The following FRMD4A variants were observed in gnomAD, a reference collection of about 807,000 sequenced individuals.
The protein encoded by FRMD4A is FERM domain-containing protein 4A.
Under a neutral mutation model 129.1 loss-of-function variants are expected in FRMD4A, and 29 were observed. The ratio of observed to expected loss-of-function variants is 0.22; its 90% confidence interval spans 0.17 to 0.31. The LOEUF is 0.31. FRMD4A is among the 10% of genes least tolerant of loss of function. The pLI, the probability that FRMD4A is intolerant of heterozygous loss-of-function variation, is 1.00. For synonymous variants in FRMD4A, 634 were observed against 571.6 expected (o/e 1.11, Z -1.56); for missense variants, 1,272 against 1,375.8 (o/e 0.92, Z 1.19).
chr10:14,129,226 C>T (rs912672310), intron 2 of FRMD4A, among the ~76,000 whole-genome samples: 9 of 151,340 alleles, frequency 5.9e-5, no homozygotes, highest in African/African-American at 4.9e-5. Flanking sequence ...ACCTTATTAC[C>T]GTATATCTAG....
intron 2 of FRMD4A, among the ~76,000 whole-genome samples, chr10:13,889,161 C>T (rs567021526): frequency 6.6e-6 from 1 of 152,350 alleles, no homozygotes; most frequent in South Asian, 2.1e-4. Context: ...TCACCCAACA[C>T]TTACTTAAAG....
chr10:14,312,844 C>A (rs958213452), intron 2 of FRMD4A, among the ~76,000 whole-genome samples: 1 of 151,480 alleles, frequency 6.6e-6, no homozygotes, highest in African/African-American at 2.4e-5. Context: ...CTAGCTTGGG[C>A]AACAGAGTGA....
intron 3 of FRMD4A, among the ~76,000 whole-genome samples, chr10:13,849,898 A>C (rs2094117327): frequency 6.6e-6 from 1 of 151,490 alleles, no homozygotes; most frequent in African/African-American, 2.4e-5. Flanking sequence ...GGCCGGGCGC[A>C]GTGGCTCATA....
intron 2 of FRMD4A, among the ~76,000 whole-genome samples, chr10:14,164,216 T>C (rs766552500): frequency 1.3e-5 from 2 of 152,368 alleles, no homozygotes; most frequent in East Asian, 1.9e-4. Context: ...GTTTTCATCC[T>C]GTATTTGCCC....
chr10:14,141,279 C>G (rs1254263124), intron 2 of FRMD4A, among the ~76,000 whole-genome samples: 2 of 152,120 alleles, frequency 1.3e-5, no homozygotes, highest in Admixed American at 6.5e-5. Context: ...GGATCCAAGT[C>G]GCTGAGGTAT....
intron 2 of FRMD4A, among the ~76,000 whole-genome samples, chr10:14,315,986 G>A (rs969517992): frequency 1.7e-4 from 26 of 152,228 alleles, no homozygotes; most frequent in African/African-American, 6.3e-4. Flanking sequence ...TACCAGGTGG[G>A]TTGGGTGCCC....
intron 2 of FRMD4A, among the ~76,000 whole-genome samples, chr10:14,321,193 A>G (rs1843033175): frequency 6.6e-6 from 1 of 152,124 alleles, no homozygotes. Flanking sequence ...GGTTAAATGA[A>G]TGGATGAATG....
At chr10:14,174,877 GTC>G (rs145835197) in intron 2 of FRMD4A, among the ~76,000 whole-genome samples, 130 of 33,410 alleles carry the variant, frequency 3.9e-3, no homozygotes, top group South Asian at 0.023. Flanking sequence ...GTGTGTGTGT[GTC>G]TGTGTGTGTG....
chr10:14,220,694 T>C lies in FRMD4A; in HGVS notation c.45+109364A>G, dbSNP rs563788164. Among the ~76,000 whole-genome samples the C allele has an allele frequency of 2.0e-5, 3 of 152,148 alleles. No homozygotes were observed. In the East Asian group the frequency reaches 5.8e-4, roughly 29 times the overall value. ...TGGGAGTGTCAGAGACCAGAGTCAT[T>C]CAATAGAGGACCAGCAGAGGAGGGG... On this transcript the variant is annotated intron_variant, in intron 2 of 24. Transcript: ENST00000357447.
At chr10:14,022,232 C>T (rs1832792612) in intron 2 of FRMD4A, among the ~76,000 whole-genome samples, 1 of 152,136 alleles carries the variant, frequency 6.6e-6, no homozygotes. Context: ...CGTGTCTAAG[C>T]TTCGCAGAGG....
intron 2 of FRMD4A, among the ~76,000 whole-genome samples, chr10:14,131,670 A>G (rs913033705): frequency 2.6e-5 from 4 of 152,182 alleles, no homozygotes; most frequent in South Asian, 2.1e-4. Flanking sequence ...AGACAAAAAC[A>G]TATTTTAAAA....
chr10:14,200,312 G>C (rs1033830161), intron 2 of FRMD4A, among the ~76,000 whole-genome samples: 1 of 147,448 alleles, frequency 6.8e-6, no homozygotes, highest in Non-Finnish European at 1.5e-5. Flanking sequence ...ATTTTTTTGA[G>C]ACAGACTCTC....
intron 2 of FRMD4A, among the ~76,000 whole-genome samples, chr10:13,958,083 C>T (rs1393116970): frequency 6.6e-6 from 1 of 152,106 alleles, no homozygotes; most frequent in Non-Finnish European, 1.5e-5. Flanking sequence ...GCCCCATACG[C>T]TACTGCAGTA....
chr10:14,186,584 A>G (rs1386555199), intron 2 of FRMD4A, among the ~76,000 whole-genome samples: 1 of 152,222 alleles, frequency 6.6e-6, no homozygotes, highest in Non-Finnish European at 1.5e-5. Context: ...CTTTGGCTCC[A>G]TGACAAACAT....
Position 13,643,767 on chromosome 10 carries a change from T to C in FRMD4A, c.*3271A>G, listed in dbSNP as rs2080950411. The C allele has an allele frequency of 6.5e-6, 1 of 152,672 alleles. No homozygotes were observed. Among genetic ancestry groups the C allele is most frequent in the Non-Finnish European group, 1.5e-5 (1 of 68,040 alleles). The allele number at this position is 152,672 out of a possible 1,614,324, so 9.5% of individuals were successfully genotyped here. On this transcript the variant is annotated 3_prime_UTR_variant, in exon 25 of 25. Transcript: ENST00000357447. ...AACACTGTTTTGCAAAATGTAAAGG[T>C]ACTATACAAATTCTTAATACAAAAA...
At chr10:13,976,209 G>C (rs1211132648) in intron 2 of FRMD4A, among the ~76,000 whole-genome samples, 1 of 152,158 alleles carries the variant, frequency 6.6e-6, no homozygotes, top group Non-Finnish European at 1.5e-5. Flanking sequence ...TTTGTCTATT[G>C]TAAGTCCTGG....
chr10:14,212,308 C>A (rs1253422560), intron 2 of FRMD4A, among the ~76,000 whole-genome samples: 1 of 152,146 alleles, frequency 6.6e-6, no homozygotes, highest in Non-Finnish European at 1.5e-5. Flanking sequence ...CCTGCTTAGA[C>A]CTTTTGTTTC....
intron 2 of FRMD4A, among the ~76,000 whole-genome samples, chr10:14,312,335 C>T (rs1021270299): frequency 6.6e-6 from 1 of 152,178 alleles, no homozygotes; most frequent in African/African-American, 2.4e-5. Context: ...CTGTAGTCTC[C>T]GTACTTCTGA....
At chr10:13,651,802 G>A (rs1190065028) in intron 24 of FRMD4A, 101 bp downstream of exon 24, 3 of 735,496 alleles carry the variant, frequency 4.1e-6, no homozygotes, top group Non-Finnish European at 7.6e-6. Flanking sequence ...CATAAATACA[G>A]CATTCAGATG....
Sources: allele counts gnomAD v4.1 joint callset (sites outside exome capture counted in the v4.1 genomes callset), GRCh38; gene constraint gnomAD v4.1.1; transcripts MANE v1.5; gene names NCBI Gene and HGNC (gene_info 2026-07-23, HGNC 2026-07-21).